Variants in WIF1 observed in about 807,000 individuals in gnomAD.
WIF1 encodes the protein Wnt inhibitory factor 1.
WIF1 carries 35 observed loss-of-function variants against 53.5 expected under a neutral mutation model. The ratio of observed to expected loss-of-function variants is 0.65; its 90% CI spans 0.50 to 0.87. The LOEUF is 0.87. Among genes scored for constraint, WIF1 ranks in the 40% least tolerant of loss-of-function variants. The pLI, the probability that WIF1 is intolerant of heterozygous loss-of-function variation, is 0.00. For missense variants in WIF1, 467 were observed against 476.8 expected (o/e 0.98, Z 0.19); for synonymous variants, 171 against 170.4 (o/e 1.00, Z -0.03).
At chr12:65,099,604 A>G (rs1419164155) in intron 2 of WIF1, among the ~76,000 whole-genome samples, 2 of 152,160 alleles carry the variant, frequency 1.3e-5, no homozygotes, top group Non-Finnish European at 2.9e-5. Flanking sequence ...AGATATCAAG[A>G]CTGCTGGTTC....
intron 6 of WIF1, among the ~76,000 whole-genome samples, chr12:65,065,718 A>G (rs567985558): frequency 2.6e-5 from 4 of 152,338 alleles, no homozygotes; most frequent in Admixed American, 2.0e-4. Context: ...CTCTATTCAT[A>G]CAATTAGCAT....
Position 65,121,222 on chromosome 12 carries a change from A to C in WIF1, c.-31T>G. The C allele has an allele frequency of 7.1e-7, 1 of 1,417,790 alleles. No homozygotes were observed. Among genetic ancestry groups the C allele is most frequent in the South Asian group, 1.5e-5 (1 of 66,474 alleles). The allele number at this position is 1,417,790 out of a possible 1,614,324, so 87.8% of individuals were successfully genotyped here. On this transcript the variant is annotated 5_prime_UTR_variant, in exon 1 of 10. Coordinates refer to ENST00000286574, the MANE Select transcript of WIF1 (RefSeq NM_007191.5). ...TCAGGACCTCCTCGCTGCCGGGAAA[A>C]CTCCTCGTGCCGCACCTACGCAACC...
intron 3 of WIF1, among the ~76,000 whole-genome samples, chr12:65,076,102 A>G (rs921163833): frequency 4.6e-5 from 7 of 152,018 alleles, no homozygotes; most frequent in Non-Finnish European, 8.8e-5. Flanking sequence ...CAGTGGTGCA[A>G]TCATAGCTCA....
chr12:65,098,737 G>A (rs1592400710), intron 2 of WIF1, among the ~76,000 whole-genome samples: 2 of 152,164 alleles, frequency 1.3e-5, no homozygotes, highest in Middle Eastern at 6.8e-3. Context: ...AAAACTGTAG[G>A]CAACTTTTTC....
At chr12:65,117,660 A>C (rs551284017) in intron 2 of WIF1, among the ~76,000 whole-genome samples, 4 of 152,318 alleles carry the variant, frequency 2.6e-5, no homozygotes, top group Non-Finnish European at 5.9e-5. Flanking sequence ...CATCATGTAG[A>C]ATCAGTGGGA....
chr12:65,054,287 T>C (rs1882491182), intron 9 of WIF1, among the ~76,000 whole-genome samples: 1 of 152,148 alleles, frequency 6.6e-6, no homozygotes, highest in Non-Finnish European at 1.5e-5. Flanking sequence ...AGTGGGCCCA[T>C]GCTTAGGAGA....
chr12:65,074,127 T>G (rs1430641195), intron 3 of WIF1, among the ~76,000 whole-genome samples: 1 of 152,174 alleles, frequency 6.6e-6, no homozygotes, highest in Non-Finnish European at 1.5e-5. Flanking sequence ...GTTCAAAATC[T>G]TATTTGTCAA....
intron 7 of WIF1, among the ~76,000 whole-genome samples, chr12:65,059,943 C>T (rs1333940995): frequency 6.6e-6 from 1 of 151,778 alleles, no homozygotes; most frequent in Admixed American, 6.6e-5. Context: ...TGAGCCACTG[C>T]ACCCAGGTGA....
At chr12:65,096,475 A>G (rs750962258) in intron 2 of WIF1, among the ~76,000 whole-genome samples, 11 of 152,216 alleles carry the variant, frequency 7.2e-5, no homozygotes, top group Non-Finnish European at 1.6e-4. Flanking sequence ...TCAAGGATCT[A>G]CAACCAGAAA....
At chr12:65,108,167 T>G (rs1454180703) in intron 2 of WIF1, among the ~76,000 whole-genome samples, 1 of 152,242 alleles carries the variant, frequency 6.6e-6, no homozygotes, top group Non-Finnish European at 1.5e-5. Flanking sequence ...GGGTTATATC[T>G]GTTTCCACAT....
intron 4 of WIF1, 125 bp from the exon 5 acceptor site, chr12:65,067,915 T>C: frequency 1.4e-6 from 1 of 733,530 alleles, no homozygotes; most frequent in Non-Finnish European, 2.2e-6. Flanking sequence ...ATTGATCAAA[T>C]ACCAGTACTT....
At chr12:65,074,786 C>T (rs887142876) in intron 3 of WIF1, among the ~76,000 whole-genome samples, 4 of 108,032 alleles carry the variant, frequency 3.7e-5, no homozygotes, top group African/African-American at 1.5e-4. Flanking sequence ...CCACTGCACT[C>T]AAGCCTGGGT....
chr12:65,065,576 A>AAAC (rs960372980), intron 6 of WIF1, among the ~76,000 whole-genome samples: 6 of 152,132 alleles, frequency 3.9e-5, no homozygotes, highest in African/African-American at 1.2e-4. Context: ...TTCCTTTAAA[A>AAAC]AACAACAACA....
rs1364424044 is a variant in WIF1, at chr12:65,116,956, AAAAAAT to A, written c.288+3455_288+3460del. Among the ~76,000 whole-genome samples the A allele has an allele frequency of 1.2e-4, 16 of 138,172 alleles. No individual in the cohort carries two copies. In the South Asian group the frequency reaches 3.5e-3, roughly 31 times the overall value. 90.6% of individuals were successfully genotyped at this position (138,172 alleles called of 152,430 possible). On this transcript the variant is annotated intron_variant, in intron 2 of 9. Transcript: ENST00000286574. Reference sequence around the variant, plus strand: ...TCAAAAAAAAAAAAAAAAAAAAAAAAAAAAATTGTCTTCCGTGAAACCAGACTCTGG... The same window carrying A: ...TCAAAAAAAAAAAAAAAAAAAAAAAATGTCTTCCGTGAAACCAGACTCTGG...
At chr12:65,056,254 A>C in intron 7 of WIF1, 128 bp from the exon 8 acceptor site, 1 of 767,604 alleles carries the variant, frequency 1.3e-6, no homozygotes, top group Non-Finnish European at 2.0e-6. Context: ...CATTTATTTC[A>C]GATCTACTCT....
At chr12:65,118,839 G>A (rs1883551664) in intron 2 of WIF1, among the ~76,000 whole-genome samples, 1 of 150,572 alleles carries the variant, frequency 6.6e-6, no homozygotes, top group African/African-American at 2.5e-5. Flanking sequence ...AAACATAAGT[G>A]AGAGAGAAAG....
At chr12:65,085,110 C>T (rs1216951477) in intron 2 of WIF1, among the ~76,000 whole-genome samples, 1 of 152,196 alleles carries the variant, frequency 6.6e-6, no homozygotes, top group Non-Finnish European at 1.5e-5. Flanking sequence ...TTATATTTCC[C>T]TCTTGGGTTC....
At chr12:65,099,966 TA>T (rs1592401083) in intron 2 of WIF1, among the ~76,000 whole-genome samples, 1 of 152,274 alleles carries the variant, frequency 6.6e-6, no homozygotes, top group African/African-American at 2.4e-5. Context: ...TATTTAATAT[TA>T]AAAACATTTT....
chr12:65,095,247 T>A (rs1041716802), intron 2 of WIF1, among the ~76,000 whole-genome samples: 4 of 151,910 alleles, frequency 2.6e-5, no homozygotes, highest in Non-Finnish European at 5.9e-5. Context: ...CAGCTTGAAT[T>A]TTTCTTTATT....
Sources: allele counts gnomAD v4.1 joint callset (sites outside exome capture counted in the v4.1 genomes callset), GRCh38; gene constraint gnomAD v4.1.1; transcripts MANE v1.5; gene names NCBI Gene and HGNC (gene_info 2026-07-23, HGNC 2026-07-21).